The following TMPRSS11E variants were observed in gnomAD, a reference collection of about 807,000 sequenced individuals.
TMPRSS11E encodes the protein transmembrane protease serine 11E.
In TMPRSS11E, 38 loss-of-function variants were observed where a neutral mutation model predicts 48.1. The observed-to-expected ratio is 0.79, with a 90% CI of 0.61 to 1.04. The LOEUF is 1.04. Among genes scored for constraint, TMPRSS11E ranks in the 50% least tolerant of loss-of-function variants. TMPRSS11E has a pLI of 0.00. For synonymous variants in TMPRSS11E, 158 were observed against 171.9 expected, an observed-to-expected ratio of 0.92 and a Z score of 0.63; for missense variants, 530 against 510.8, an observed-to-expected ratio of 1.04 and a Z score of -0.36.
At position 68,476,257 on chromosome 4, in the gene TMPRSS11E, G is replaced by C. The variant is rs1313360029; in HGVS notation, c.530-4G>C. 6.2e-7 allele frequency: 1 copy of C among 1,613,636 alleles called. No homozygotes were observed. The highest frequency in any genetic ancestry group is 1.3e-5 in the African/African-American group (1 of 74,908). On this transcript the variant is annotated splice_region_variant and splice_polypyrimidine_tract_variant and intron_variant, in intron 6 of 9. Coordinates refer to ENST00000305363, the MANE Select transcript of TMPRSS11E (RefSeq NM_014058.4). ...CCAATGCACCCCCCCTCTCTCTTTTGCAGGCTGCGGAACACGAAGAAGTAA... is the reference window on the plus strand; with the variant it reads ...CCAATGCACCCCCCCTCTCTCTTTTCCAGGCTGCGGAACACGAAGAAGTAA...
intron 9 of TMPRSS11E, among the ~76,000 whole-genome samples, chr4:68,482,686 T>G (rs899884741): frequency 2.6e-5 from 4 of 151,248 alleles, no homozygotes; most frequent in Non-Finnish European, 2.9e-5. Context: ...GTGGGAAGAT[T>G]GATTGATCGT....
chr4:68,472,168 T>C (rs1729091545), intron 5 of TMPRSS11E, among the ~76,000 whole-genome samples: 1 of 151,962 alleles, frequency 6.6e-6, no homozygotes, highest in Non-Finnish European at 1.5e-5. Flanking sequence ...AAACAAGTGA[T>C]GATAGGTCCT....
intron 9 of TMPRSS11E, among the ~76,000 whole-genome samples, chr4:68,481,739 C>T (rs1267577825): frequency 2.0e-5 from 3 of 152,118 alleles, no homozygotes; most frequent in Non-Finnish European, 4.4e-5. Flanking sequence ...CACTAGAGCT[C>T]AGAAGTTCAA....
At chr4:68,486,119 G>A (rs1578144540) in intron 9 of TMPRSS11E, among the ~76,000 whole-genome samples, 1 of 151,946 alleles carries the variant, frequency 6.6e-6, no homozygotes, top group South Asian at 2.1e-4. Flanking sequence ...CTTTTATATG[G>A]ATTTTTGTGT....
chr4:68,466,679 AC>A lies in TMPRSS11E; in HGVS notation c.186del (p.Asp62GlufsTer18). The A allele has an allele frequency of 6.2e-7, 1 of 1,613,704 alleles. No individual in the cohort carries two copies. Among genetic ancestry groups the A allele is most frequent in the Non-Finnish European group, 8.5e-7 (1 of 1,179,654 alleles). On this transcript the variant is annotated frameshift_variant, in exon 3 of 10. Transcript: ENST00000305363. LOFTEE classifies it high-confidence loss of function. Reference sequence around the variant, plus strand: ...TATAGCACATTGTCATTTACAACTGACAAACTATATGCTGAGTTTGGCAGAG... The same window carrying A: ...TATAGCACATTGTCATTTACAACTGAAAACTATATGCTGAGTTTGGCAGAG... Reference protein sequence around the residue: ...NYYSTLSFTTDKLYAEFGREA... With the variant: ...NYYSTLSFTTXKLYAEFGREA...
At position 68,481,097 on chromosome 4, in the gene TMPRSS11E, C is replaced by T. The variant is rs190234656; in HGVS notation, c.1110+2106C>T. Among the ~76,000 whole-genome samples the T allele has an allele frequency of 4.6e-5, 7 of 152,238 alleles. No individual in the cohort carries two copies. The East Asian group carries it at 7.7e-4, about 17-fold the overall frequency. ...TGCATTCATTTGCTTAGTATAATGGCCTGTGGCTGCATCCATATTGCTGCA... is the reference window on the plus strand; with the variant it reads ...TGCATTCATTTGCTTAGTATAATGGTCTGTGGCTGCATCCATATTGCTGCA... On this transcript the variant is annotated intron_variant, in intron 9 of 9. Coordinates refer to ENST00000305363, the MANE Select transcript of TMPRSS11E (RefSeq NM_014058.4).
In TMPRSS11E at chr4:68,496,886, G is replaced by A; in HGVS notation, c.*82G>A. ...CCATTTTTAGAGATACAGAATTGGA[G>A]AAGACTTGCAAAACAGCTAGATTTG... On this transcript the variant is annotated 3_prime_UTR_variant, in exon 10 of 10. Transcript: ENST00000305363. The A allele has an allele frequency of 7.3e-7, 1 of 1,370,756 alleles. No homozygotes were observed. Among genetic ancestry groups the A allele is most frequent in the Non-Finnish European group, 1.0e-6 (1 of 999,190 alleles). 84.9% of individuals were successfully genotyped at this position (1,370,756 alleles called of 1,614,324 possible). A position where few individuals can be genotyped will look rare whatever the true frequency, so the allele number is the denominator to read the frequency against.
intron 2 of TMPRSS11E, among the ~76,000 whole-genome samples, chr4:68,463,869 A>T (rs1021247339): frequency 2.0e-5 from 3 of 152,132 alleles, no homozygotes; most frequent in African/African-American, 7.2e-5. Context: ...GGCTTGTCTG[A>T]CTTCACAAGG....
chr4:68,468,923 C>A lies in TMPRSS11E; in HGVS notation c.303C>A (p.Val101=). ...FYKSPLREEF[V]KSQVIKFSQQ... ...AATCTCCATTAAGGGAAGAATTTGT[C>A]AAGTCTCAGGTTATCAAGTTCAGGT... The change falls in exon 4 of 10, where the codon GTC becomes GTA. Residue 101 remains valine (V), a synonymous_variant. Transcript: ENST00000305363. The A allele has an allele frequency of 6.2e-7, 1 of 1,611,580 alleles. No individual in the cohort carries two copies. Among genetic ancestry groups the A allele is most frequent in the Non-Finnish European group, 8.5e-7 (1 of 1,178,008 alleles).
intron 1 of TMPRSS11E, among the ~76,000 whole-genome samples, chr4:68,452,892 C>T (rs954875784): frequency 6.6e-6 from 1 of 151,940 alleles, no homozygotes; most frequent in African/African-American, 2.4e-5. Context: ...TTGTACTAAA[C>T]TGTAGGACAA....
intron 5 of TMPRSS11E, among the ~76,000 whole-genome samples, chr4:68,472,540 C>T (rs1393921123): frequency 6.6e-6 from 1 of 151,900 alleles, no homozygotes; most frequent in African/African-American, 2.4e-5. Context: ...GCTCATTGGC[C>T]ACAGGTGGCT....
rs879193345 is a variant in TMPRSS11E at position 68,478,147 on chromosome 4, A to ATTTTTTTT, written c.967+520_967+521insTTTTTTTT. On this transcript the variant is annotated intron_variant, in intron 8 of 9. Coordinates refer to ENST00000305363, the MANE Select transcript of TMPRSS11E (RefSeq NM_014058.4). ...ATGTAGTCTAAGATTCTGTATCACT[A>ATTTTTTTT]TCTTTTTTTTTTTTTTTTGAGACAG... Among the ~76,000 whole-genome samples, 6 of 90,542 alleles carry ATTTTTTTT rather than the reference A, an allele frequency of 6.6e-5. 1 individual carries two copies. The highest frequency in any genetic ancestry group is 3.9e-5 in the African/African-American group (1 of 25,608). 59.4% of individuals were successfully genotyped at this position (90,542 alleles called of 152,430 possible). A position where few individuals can be genotyped will look rare whatever the true frequency, so the allele number is the denominator to read the frequency against.
intron 9 of TMPRSS11E, among the ~76,000 whole-genome samples, chr4:68,491,299 C>CAAAAAAAAAA (rs752361546): frequency 1.1e-5 from 1 of 92,032 alleles, no homozygotes. Context: ...ATATATGAAG[C>CAAAAAAAAAA]AAAAAAAAAA....
chr4:68,487,263 T>C (rs1729579471), intron 9 of TMPRSS11E, among the ~76,000 whole-genome samples: 1 of 152,076 alleles, frequency 6.6e-6, no homozygotes, highest in African/African-American at 2.4e-5. Context: ...AATTTTTTTT[T>C]TTTTTTGAGA....
At chr4:68,457,659 A>G (rs1371004785) in intron 1 of TMPRSS11E, among the ~76,000 whole-genome samples, 1 of 152,124 alleles carries the variant, frequency 6.6e-6, no homozygotes, top group African/African-American at 2.4e-5. Flanking sequence ...AATGCCCATC[A>G]ATGATGTCTG....
chr4:68,473,064 CA>C (rs1245803758), intron 5 of TMPRSS11E, among the ~76,000 whole-genome samples: 1 of 151,992 alleles, frequency 6.6e-6, no homozygotes, highest in Non-Finnish European at 1.5e-5. Context: ...GGAAATAGTA[CA>C]AAAGGCTAAT....
chr4:68,447,526 GA>G lies in TMPRSS11E; in HGVS notation c.11+4del. The G allele has an allele frequency of 2.5e-6, 4 of 1,608,090 alleles. No homozygotes were observed. In the South Asian group the frequency reaches 4.4e-5, roughly 18 times the overall value. The stretch of plus-strand genomic sequence containing the variant: ...TGCTGGTTGGCAATGATGTATCGGT[GA>G]GTTAGTTCCCTTTTTCTTTCTAGAA... On this transcript the variant is annotated splice_donor_region_variant and intron_variant, in intron 1 of 9. Transcript: ENST00000305363.
At chr4:68,487,941 CAAAAA>C (rs56299530) in intron 9 of TMPRSS11E, among the ~76,000 whole-genome samples, 63 of 89,958 alleles carry the variant, frequency 7.0e-4, no homozygotes, top group Admixed American at 1.2e-3. Context: ...GACTCTGTCT[CAAAAA>C]AAAAAAAAAA....
At chr4:68,494,205 C>G (rs1241072280) in intron 9 of TMPRSS11E, among the ~76,000 whole-genome samples, 2 of 152,162 alleles carry the variant, frequency 1.3e-5, no homozygotes, top group East Asian at 1.9e-4. Flanking sequence ...GAATTCAACT[C>G]TTGCCCATAT....
Sources: allele counts gnomAD v4.1 joint callset (sites outside exome capture counted in the v4.1 genomes callset), GRCh38; gene constraint gnomAD v4.1.1; transcripts MANE v1.5; gene names NCBI Gene and HGNC (gene_info 2026-07-23, HGNC 2026-07-21).